The following FRMD4A variants were observed in gnomAD, a reference collection of about 807,000 sequenced individuals.
FRMD4A encodes FERM domain containing 4A, also known as FERM domain-containing protein 4A.
In FRMD4A, 29 loss-of-function variants were observed where a neutral mutation model predicts 129.1. The observed-to-expected ratio is 0.22, with a 90% CI of 0.17 to 0.31. FRMD4A has a LOEUF of 0.31. Among genes scored for constraint, FRMD4A ranks in the 10% least tolerant of loss-of-function variants. The pLI is 1.00. For missense variants in FRMD4A, 1,272 were observed against 1,375.8 expected, an observed-to-expected ratio of 0.92 and a Z score of 1.19; for synonymous variants, 634 against 571.6, an observed-to-expected ratio of 1.11 and a Z score of -1.56.
chr10:14,152,853 A>C (rs1461401654), intron 2 of FRMD4A, among the ~76,000 whole-genome samples: 1 of 152,126 alleles, frequency 6.6e-6, no homozygotes, highest in African/African-American at 2.4e-5. Context: ...GAAGAAAAAA[A>C]AAATGCAGAG....
In FRMD4A at chr10:14,314,310, G is replaced by A. The variant is rs79204620; in HGVS notation, c.45+15748C>T. ...TCACCTCTCCATGGCTGGCACCAGT[G>A]AGCTGGCATGGTGGAAGTCAGGCCA... is the stretch of plus-strand genomic sequence containing the variant. On this transcript the variant is annotated intron_variant, in intron 2 of 24. Coordinates refer to ENST00000357447, the MANE Select transcript of FRMD4A (RefSeq NM_018027.5). Among the ~76,000 whole-genome samples, 1,355 of 152,182 alleles carry A rather than the reference G, an allele frequency of 8.9e-3. 19 individuals are homozygous for A. Among genetic ancestry groups the A allele is most frequent in the African/African-American group, 0.031 (1,291 of 41,524 alleles).
intron 2 of FRMD4A, among the ~76,000 whole-genome samples, chr10:14,066,353 T>G (rs1835060045): frequency 6.7e-6 from 1 of 150,172 alleles, no homozygotes; most frequent in African/African-American, 2.4e-5. Flanking sequence ...AGGGAAGGGG[T>G]GGGTATGGAT....
rs10706168 is a variant in FRMD4A, at chr10:13,728,573, C to CTTTTTTTTTTTTTTTTTTTTTTTT, written c.759+9270_759+9271insAAAAAAAAAAAAAAAAAAAAAAAA. Among the ~76,000 whole-genome samples, 269 of 78,332 alleles carry CTTTTTTTTTTTTTTTTTTTTTTTT rather than the reference C, an allele frequency of 3.4e-3. 62 individuals are homozygous for CTTTTTTTTTTTTTTTTTTTTTTTT. Among genetic ancestry groups the CTTTTTTTTTTTTTTTTTTTTTTTT allele is most frequent in the Non-Finnish European group, 4.9e-3 (204 of 42,026 alleles). The allele number at this position is 78,332 out of a possible 152,430, so 51.4% of individuals were successfully genotyped here. A position where few individuals can be genotyped will look rare whatever the true frequency, so the allele number is the denominator to read the frequency against. On this transcript the variant is annotated intron_variant, in intron 12 of 24. Transcript: ENST00000357447. ...TCAGTGCTTTCAGGTGATTACCATT[C>CTTTTTTTTTTTTTTTTTTTTTTTT]TTTTTTTTTTTTTTTTTGAGATGGA...
intron 2 of FRMD4A, among the ~76,000 whole-genome samples, chr10:13,923,271 G>A (rs1160406671): frequency 3.3e-5 from 5 of 152,208 alleles, no homozygotes; most frequent in Non-Finnish European, 7.3e-5. Flanking sequence ...AATCTACAGT[G>A]TATATGTAAA....
At chr10:14,220,441 C>G (rs150862463) in intron 2 of FRMD4A, among the ~76,000 whole-genome samples, 1 of 152,200 alleles carries the variant, frequency 6.6e-6, no homozygotes, top group Non-Finnish European at 1.5e-5. Context: ...TGATGTTCCC[C>G]ATTAGTCAAT....
chr10:14,045,725 T>G (rs1013235361), intron 2 of FRMD4A, among the ~76,000 whole-genome samples: 1 of 146,110 alleles, frequency 6.8e-6, no homozygotes, highest in East Asian at 1.9e-4. Context: ...CATATTATAT[T>G]AGATATAATT....
intron 6 of FRMD4A, among the ~76,000 whole-genome samples, chr10:13,766,085 G>GTCTC (rs2092278717): frequency 6.6e-6 from 1 of 152,238 alleles, no homozygotes; most frequent in Non-Finnish European, 1.5e-5. Context: ...AAACGAAGAT[G>GTCTC]TCTCTACCTG....
intron 2 of FRMD4A, among the ~76,000 whole-genome samples, chr10:13,996,641 C>T (rs1056181893): frequency 1.3e-4 from 17 of 134,036 alleles, no homozygotes; most frequent in Admixed American, 6.6e-4. Context: ...GTGAATCCCA[C>T]ATAGAAAGCC....
At chr10:13,779,903 C>T (rs923452179) in intron 6 of FRMD4A, among the ~76,000 whole-genome samples, 4 of 152,134 alleles carry the variant, frequency 2.6e-5, no homozygotes, top group African/African-American at 9.7e-5. Flanking sequence ...AGGAATGAAC[C>T]GTTCTTGTCT....
chr10:14,102,812 G>C (rs942954798), intron 2 of FRMD4A, among the ~76,000 whole-genome samples: 5 of 151,524 alleles, frequency 3.3e-5, no homozygotes, highest in Admixed American at 3.3e-4. Context: ...CGAAGAGAAG[G>C]GCTTGGGAGT....
chr10:13,750,510 CA>C (rs2091563159), intron 8 of FRMD4A, among the ~76,000 whole-genome samples: 1 of 152,136 alleles, frequency 6.6e-6, no homozygotes, highest in African/African-American at 2.4e-5. Flanking sequence ...CACGAAAGCT[CA>C]GAGGAAATAA....
At chr10:13,929,479 G>A (rs2095170277) in intron 2 of FRMD4A, among the ~76,000 whole-genome samples, 1 of 152,188 alleles carries the variant, frequency 6.6e-6, no homozygotes, top group Non-Finnish European at 1.5e-5. Context: ...TGGTGGGGGA[G>A]CAGTGTTGTC....
chr10:14,135,947 A>G (rs1839513577), intron 2 of FRMD4A, among the ~76,000 whole-genome samples: 1 of 152,222 alleles, frequency 6.6e-6, no homozygotes, highest in Admixed American at 6.5e-5. Context: ...TGCATGTTCA[A>G]CTTATTCTAA....
intron 2 of FRMD4A, among the ~76,000 whole-genome samples, chr10:13,872,379 G>C (rs2094447592): frequency 6.6e-6 from 1 of 152,220 alleles, no homozygotes; most frequent in Non-Finnish European, 1.5e-5. Context: ...AGGACGCTTA[G>C]AAGCCCAGCT....
intron 2 of FRMD4A, chr10:13,866,397 C>A: frequency 3.1e-6 from 1 of 319,024 alleles, no homozygotes; most frequent in Non-Finnish European, 4.5e-6. Flanking sequence ...AATTCCAAGG[C>A]CATGACTACA....
At chr10:14,085,241 C>G (rs1836196149) in intron 2 of FRMD4A, among the ~76,000 whole-genome samples, 1 of 152,164 alleles carries the variant, frequency 6.6e-6, no homozygotes, top group Non-Finnish European at 1.5e-5. Flanking sequence ...ACAACTGACT[C>G]CTGACTCCTG....
chr10:13,701,621 GTA>G (rs2086840380), intron 13 of FRMD4A, 143 bp from the exon 14 acceptor site: 2 of 679,926 alleles, frequency 2.9e-6, no homozygotes, highest in Non-Finnish European at 5.1e-6. Context: ...ACACCTAGGC[GTA>G]CACACACACA....
intron 2 of FRMD4A, among the ~76,000 whole-genome samples, chr10:13,871,942 C>G (rs1182757166): frequency 6.6e-6 from 1 of 152,248 alleles, no homozygotes; most frequent in Non-Finnish European, 1.5e-5. Context: ...GGGGCTGTGG[C>G]TTATCCTGGC....
intron 2 of FRMD4A, among the ~76,000 whole-genome samples, chr10:14,112,021 A>C: frequency 4.7e-5 from 1 of 21,088 alleles, no homozygotes; most frequent in Non-Finnish European, 9.1e-5. Context: ...GGTGGGAGGG[A>C]GGGAGGGAAA....
Sources: allele counts gnomAD v4.1 joint callset (sites outside exome capture counted in the v4.1 genomes callset), GRCh38; gene constraint gnomAD v4.1.1; transcripts MANE v1.5; gene names NCBI Gene and HGNC (gene_info 2026-07-23, HGNC 2026-07-21).